Variants in PRDM10 observed in about 807,000 individuals in gnomAD.
PRDM10 encodes the protein PR domain zinc finger protein 10.
A neutral mutation model predicts 133.1 loss-of-function variants in PRDM10; 65 were observed. The observed-to-expected ratio is 0.49, with a 90% CI of 0.40 to 0.60. The LOEUF (loss-of-function observed/expected upper bound fraction) is 0.60. Ranked by LOEUF, PRDM10 falls within the 20% of genes least tolerant of loss-of-function variation. PRDM10 has a pLI of 0.00. For synonymous variants in PRDM10, 582 were observed against 580.4 expected (o/e 1.00, Z -0.04); for missense variants, 1,137 against 1,507.1 (o/e 0.75, Z 4.07).
At chr11:129,915,898 A>G (rs761465104) in intron 15 of PRDM10, 38 bp from the exon 16 acceptor site, 1 of 1,563,394 alleles carries the variant, frequency 6.4e-7, no homozygotes, top group East Asian at 2.3e-5. Flanking sequence ...AGCAGTATAC[A>G]GTTCCACTTT....
chr11:129,905,604 G>C, intron 20 of PRDM10, 34 bp downstream of exon 20: 1 of 1,527,862 alleles, frequency 6.5e-7, no homozygotes. Context: ...CCACAGGTTG[G>C]ACAGGAAAAA....
At chr11:130,000,708 T>C (rs1939308136) in intron 1 of PRDM10, among the ~76,000 whole-genome samples, 1 of 152,184 alleles carries the variant, frequency 6.6e-6, no homozygotes, top group Non-Finnish European at 1.5e-5. Context: ...GCACAAGACA[T>C]TTGTCTTGAT....
chr11:129,974,789 G>A (rs960131677), intron 1 of PRDM10, among the ~76,000 whole-genome samples: 1 of 152,210 alleles, frequency 6.6e-6, no homozygotes, highest in African/African-American at 2.4e-5. Context: ...ATCCATTGAG[G>A]AATGGGTCAA....
chr11:129,910,476 A>G lies in PRDM10; in HGVS notation c.3163T>C (p.Ser1055Pro). Residue 1055 changes from serine (S) to proline (P), a missense_variant and splice_region_variant, in exon 19 of 21, where the codon TCA becomes CCA. This residue lies in a region of PRDM10 where 243 missense variants were observed against 259.2 expected (regional missense o/e 0.94). Coordinates refer to ENST00000360871, the MANE Select transcript of PRDM10 (RefSeq NM_199437.2). ...CACGGCATCGTCCCTTCTTACTTAC[A>G]ATAGCCACGGAAGGAATTCCAAGCA... Reference protein sequence around the residue: ...PSAWNSFRGYSSEIQMMTLPP... With the variant: ...PSAWNSFRGYPSEIQMMTLPP... 1 of 1,614,014 alleles carries G rather than the reference A, an allele frequency of 6.2e-7. No homozygotes were observed. Among genetic ancestry groups the G allele is most frequent in the Non-Finnish European group, 8.5e-7 (1 of 1,180,024 alleles).
At chr11:129,925,392 C>T (rs1055990882) in intron 11 of PRDM10, among the ~76,000 whole-genome samples, 163 bp from the exon 12 acceptor site, 5 of 152,158 alleles carry the variant, frequency 3.3e-5, no homozygotes, top group Admixed American at 6.5e-5. Context: ...CTGGTGAAGA[C>T]ACTGAAAATG....
chr11:129,925,214 G>T lies in PRDM10; in HGVS notation c.1546C>A (p.His516Asn). 6.2e-7 allele frequency: 1 copy of T among 1,608,872 alleles called. No individual in the cohort carries two copies. Among genetic ancestry groups the T allele is most frequent in the Middle Eastern group, 1.7e-4 (1 of 6,022 alleles). ...AKRIRNAALQHLFIRKSFRPF... is the reference protein window; with the variant it reads ...AKRIRNAALQNLFIRKSFRPF... ...CGGAAGGACTTCCGAATAAACAGAT[G>T]CTGAAGAGCTGCATTCTGAAAGACA... The change falls in exon 12 of 21, where the codon CAT becomes AAT. Residue 516 changes from histidine (H) to asparagine (N), a missense_variant. Physicochemically the swap from His to Asn is moderately conservative, Grantham distance 68 (BLOSUM62 1). This residue lies in a region of PRDM10 where 635 missense variants were observed against 835.2 expected (regional missense o/e 0.76). Coordinates refer to ENST00000360871, the MANE Select transcript of PRDM10 (RefSeq NM_199437.2).
chr11:129,904,973 T>A (rs1177335845), intron 20 of PRDM10, among the ~76,000 whole-genome samples: 1 of 152,234 alleles, frequency 6.6e-6, no homozygotes, highest in Admixed American at 6.5e-5. Context: ...ATGAAATGTT[T>A]AATACAGCTC....
rs1030521117 is a variant in PRDM10, at chr11:129,915,163, C to T, written c.2527-145G>A. ...GAGCAACACTGACTCTATGCCTGTA[C>T]TTCCTGGGGTAACATAATGCTATGA... On this transcript the variant is annotated intron_variant, in intron 16 of 20. Transcript: ENST00000360871. 167 of 820,312 alleles carry T rather than the reference C, an allele frequency of 2.0e-4. No individual in the cohort carries two copies. In the African/African-American group the frequency reaches 2.4e-3, roughly 12 times the overall value. 50.8% of individuals were successfully genotyped at this position (820,312 alleles called of 1,614,324 possible). A position where few individuals can be genotyped will look rare whatever the true frequency, so the allele number is the denominator to read the frequency against.
chr11:129,988,535 C>G (rs1353897500), intron 1 of PRDM10, among the ~76,000 whole-genome samples: 1 of 150,552 alleles, frequency 6.6e-6, no homozygotes, highest in Non-Finnish European at 1.5e-5. Flanking sequence ...CTTGGCTGAA[C>G]CATATACATC....
intron 19 of PRDM10, 30 bp downstream of exon 19, chr11:129,910,446 A>G (rs201843096): frequency 6.2e-7 from 1 of 1,612,892 alleles, no homozygotes; most frequent in East Asian, 2.2e-5. Context: ...CCCACCCCTG[A>G]CCGACACGGC....
chr11:129,960,797 A>G, intron 2 of PRDM10, 99 bp downstream of exon 2: 1 of 1,249,322 alleles, frequency 8.0e-7, no homozygotes, highest in Non-Finnish European at 1.2e-6. Flanking sequence ...GCTCCTAACG[A>G]CTAGTCACTA....
intron 3 of PRDM10, among the ~76,000 whole-genome samples, chr11:129,957,464 C>CCCA (rs1054094220): frequency 6.6e-6 from 1 of 152,122 alleles, no homozygotes; most frequent in African/African-American, 2.4e-5. Context: ...ATTACAGGTG[C>CCCA]CCACCACCAC....
At chr11:129,904,562 T>C (rs1166669036) in intron 20 of PRDM10, among the ~76,000 whole-genome samples, 1 of 152,140 alleles carries the variant, frequency 6.6e-6, no homozygotes, top group Non-Finnish European at 1.5e-5. Context: ...TGCAGTGGCA[T>C]GATCTCGGCT....
chr11:129,932,506 A>G lies in PRDM10; in HGVS notation c.1158-275T>C, dbSNP rs145549096. 3.8e-3 allele frequency among the ~76,000 whole-genome samples: 581 copies of G among 152,340 alleles called. 4 individuals are homozygous for G. The highest frequency in any genetic ancestry group is 0.013 in the African/African-American group (554 of 41,590). On this transcript the variant is annotated intron_variant, in intron 9 of 20. Coordinates refer to ENST00000360871, the MANE Select transcript of PRDM10 (RefSeq NM_199437.2). The stretch of plus-strand genomic sequence containing the variant: ...CTGACAATATTTTGCTTCTGAAATG[A>G]TGTGAGAAAGGCAGACAGGACAGAA...
intron 7 of PRDM10, among the ~76,000 whole-genome samples, chr11:129,939,750 C>T (rs1473097425): frequency 6.6e-6 from 1 of 152,192 alleles, no homozygotes; most frequent in Non-Finnish European, 1.5e-5. Flanking sequence ...GCAAGGCTGG[C>T]GTGCATCCTG....
intron 1 of PRDM10, among the ~76,000 whole-genome samples, chr11:129,977,624 C>T (rs1937856374): frequency 6.6e-6 from 1 of 152,016 alleles, no homozygotes; most frequent in Admixed American, 6.6e-5. Context: ...CTAAACGTAC[C>T]TTTAGTTAGG....
Position 129,983,016 on chromosome 11 carries a change from G to A in PRDM10, c.-119+19706C>T, listed in dbSNP as rs570017234. On this transcript the variant is annotated intron_variant, in intron 1 of 20. Transcript: ENST00000360871. ...CTTTGAGACAGTGTCTCATTCTGTCGTCCAGGCTGGAGTGCAGTGGCACGA... is the reference window on the plus strand; with the variant it reads ...CTTTGAGACAGTGTCTCATTCTGTCATCCAGGCTGGAGTGCAGTGGCACGA... Among the ~76,000 whole-genome samples, 14 of 151,844 alleles carry A rather than the reference G, an allele frequency of 9.2e-5. No individual in the cohort carries two copies. In the East Asian group the frequency reaches 1.4e-3, roughly 15 times the overall value.
At chr11:129,942,324 C>CTTTTTT in intron 7 of PRDM10, 102 bp downstream of exon 7, 1 of 1,252,266 alleles carries the variant, frequency 8.0e-7, no homozygotes, top group Non-Finnish European at 1.1e-6. Context: ...CCCCCTCCCC[C>CTTTTTT]TTTTTTGTTA....
intron 4 of PRDM10, among the ~76,000 whole-genome samples, chr11:129,952,766 G>A (rs1256784690): frequency 4.0e-5 from 6 of 151,848 alleles, no homozygotes; most frequent in African/African-American, 4.8e-5. Context: ...TGGTCCTCCT[G>A]TCTCGGGGAT....
Sources: allele counts gnomAD v4.1 joint callset (sites outside exome capture counted in the v4.1 genomes callset), GRCh38; gene constraint gnomAD v4.1.1; regional missense constraint gnomAD v4.1.1; transcripts MANE v1.5; gene names NCBI Gene and HGNC (gene_info 2026-07-23, HGNC 2026-07-21).